SYT10: variants seen among roughly 807,000 people sequenced by gnomAD.
SYT10 encodes the protein synaptotagmin-10.
In SYT10, 31 loss-of-function variants were observed where a neutral mutation model predicts 51.1. That is an observed-to-expected ratio of 0.61 (90% CI 0.46 to 0.82). SYT10 has a LOEUF of 0.82. Ranked by LOEUF, SYT10 falls within the 40% of genes least tolerant of loss-of-function variation. The probability of loss-of-function intolerance (pLI) is 0.00; values close to 1 mark genes in which losing one functional copy is unlikely to be tolerated. For missense variants in SYT10, 603 were observed against 634.0 expected (o/e 0.95, Z 0.53); for synonymous variants, 233 against 225.9 (o/e 1.03, Z -0.28).
chr12:33,406,088 ATATT>A lies in SYT10; in HGVS notation c.1077+697_1077+700del, dbSNP rs1327333396. Among the ~76,000 whole-genome samples, 2 of 152,078 alleles carry A rather than the reference ATATT, an allele frequency of 1.3e-5. 1 individual carries two copies. The highest frequency in any genetic ancestry group is 4.8e-5 in the African/African-American group (2 of 41,458). On this transcript the variant is annotated intron_variant, in intron 3 of 6. Transcript: ENST00000228567. ...AAAAGTTGGAAAGCAATATGCCAAA[ATATT>A]AAATATAATTGGTAGCACTGTAGAT...
intron 2 of SYT10, among the ~76,000 whole-genome samples, chr12:33,425,926 C>T (rs1407081677): frequency 6.6e-6 from 1 of 151,924 alleles, no homozygotes; most frequent in Non-Finnish European, 1.5e-5. Flanking sequence ...CTTCTTTGTC[C>T]TTAGTTTCTC....
chr12:33,423,113 G>T (rs1010155634), intron 2 of SYT10, among the ~76,000 whole-genome samples: 1 of 152,106 alleles, frequency 6.6e-6, no homozygotes, highest in African/African-American at 2.4e-5. Context: ...AAAAGGAGAT[G>T]ATAACTTGAA....
At chr12:33,439,255 G>C (rs1866663406) in intron 1 of SYT10, 117 bp downstream of exon 1, 1 of 1,330,364 alleles carries the variant, frequency 7.5e-7, no homozygotes, top group South Asian at 1.4e-5. Flanking sequence ...GTAGGAAAGC[G>C]TGGCGCCCCA....
chr12:33,380,108 C>A (rs1483478594), intron 5 of SYT10, 147 bp from the exon 6 acceptor site: 5 of 809,484 alleles, frequency 6.2e-6, no homozygotes, highest in African/African-American at 3.5e-5. Context: ...AATGAAATCT[C>A]TTAAGTAAAT....
intron 5 of SYT10, 79 bp from the exon 6 acceptor site, chr12:33,380,040 A>T: frequency 2.1e-6 from 3 of 1,460,208 alleles, no homozygotes; most frequent in Non-Finnish European, 2.8e-6. Context: ...GTAGAATTTT[A>T]AAAATATGAT....
At chr12:33,408,392 T>C (rs1866377541) in intron 2 of SYT10, 2 of 152,154 alleles carry the variant, frequency 1.3e-5, no homozygotes, top group Admixed American at 6.5e-5. Flanking sequence ...TCAGACTGAA[T>C]TTCCTATAGT....
intron 2 of SYT10, among the ~76,000 whole-genome samples, chr12:33,418,184 C>T (rs1229258810): frequency 6.6e-6 from 1 of 152,068 alleles, no homozygotes; most frequent in Non-Finnish European, 1.5e-5. Context: ...AATCCTCATC[C>T]CACCCGGGCT....
intron 3 of SYT10, among the ~76,000 whole-genome samples, chr12:33,392,219 T>A (rs1002123752): frequency 4.6e-5 from 7 of 152,250 alleles, no homozygotes; most frequent in African/African-American, 1.7e-4. Context: ...GAATCAAATG[T>A]ATCCCTAAGG....
chr12:33,406,680 C>T, intron 3 of SYT10, 109 bp downstream of exon 3: 1 of 925,142 alleles, frequency 1.1e-6, no homozygotes, highest in Non-Finnish European at 1.6e-6. Flanking sequence ...GGATCTTAGA[C>T]ATAAATTCCA....
intron 6 of SYT10, among the ~76,000 whole-genome samples, chr12:33,378,882 C>T (rs998905297): frequency 4.7e-5 from 7 of 150,330 alleles, no homozygotes; most frequent in Non-Finnish European, 8.9e-5. Flanking sequence ...GTGTGTCTGT[C>T]TTTTATGATT....
Position 33,385,188 on chromosome 12 carries a change from T to C in SYT10, c.1181A>G (p.Asp394Gly), listed in dbSNP as rs773910069. The change falls in exon 4 of 7, where the codon GAT becomes GGT. Residue 394 changes from aspartate to glycine, a missense_variant. Asp to Gly is a moderately conservative substitution (Grantham distance 94). Coordinates refer to ENST00000228567, the MANE Select transcript of SYT10 (RefSeq NM_198992.4). ...GTACATACCTGATGAGCCAGTAATA[T>C]CCATCGCCTTCAGATTTCTGCACTT... is the stretch of plus-strand genomic sequence containing the variant. ...VIKCRNLKAMDITGSSDPYVK... is the reference protein window; with the variant it reads ...VIKCRNLKAMGITGSSDPYVK... 1 of 1,613,700 alleles carries C rather than the reference T, an allele frequency of 6.2e-7. No homozygotes were observed. The highest frequency in any genetic ancestry group is 2.2e-5 in the East Asian group (1 of 44,856).
intron 3 of SYT10, among the ~76,000 whole-genome samples, chr12:33,399,856 T>C (rs145516006): frequency 3.1e-4 from 47 of 152,314 alleles, no homozygotes; most frequent in Non-Finnish European, 5.0e-4. Flanking sequence ...CTTTCATCAT[T>C]TGAGTTAATC....
At chr12:33,418,519 C>T (rs1866474242) in intron 2 of SYT10, among the ~76,000 whole-genome samples, 1 of 152,164 alleles carries the variant, frequency 6.6e-6, no homozygotes, top group South Asian at 2.1e-4. Flanking sequence ...ACTTAGATTT[C>T]TAACAGAATC....
chr12:33,430,076 C>A (rs569409445), intron 1 of SYT10, among the ~76,000 whole-genome samples: 47 of 152,256 alleles, frequency 3.1e-4, no homozygotes, highest in African/African-American at 1.0e-3. Context: ...AGATTAAGAG[C>A]TAATGAAATA....
chr12:33,374,973 T>TTA lies in SYT10; in HGVS notation c.*1856_*1857insTA, dbSNP rs1866050498. ...GTCTCCAAAAATGTCATTCTATTAATAGTATAACTTTTTGTCTTCCTATTT... is the reference window on the plus strand; with the variant it reads ...GTCTCCAAAAATGTCATTCTATTAATTAAGTATAACTTTTTGTCTTCCTATTT... On this transcript the variant is annotated 3_prime_UTR_variant, in exon 7 of 7. Coordinates refer to ENST00000228567, the MANE Select transcript of SYT10 (RefSeq NM_198992.4). 2.0e-5 allele frequency: 3 copies of TTA among 152,034 alleles called. No individual in the cohort carries two copies. Among genetic ancestry groups the TTA allele is most frequent in the Admixed American group, 1.3e-4 (2 of 15,252 alleles). The allele number at this position is 152,034 out of a possible 1,614,324, so 9.4% of individuals were successfully genotyped here.
At chr12:33,390,637 T>C (rs896351873) in intron 3 of SYT10, among the ~76,000 whole-genome samples, 1 of 152,134 alleles carries the variant, frequency 6.6e-6, no homozygotes, top group African/African-American at 2.4e-5. Context: ...TGTAAACATA[T>C]ATACATGTAT....
At position 33,426,819 on chromosome 12, in the gene SYT10, G is replaced by T. The variant is rs78049543; in HGVS notation, c.152-324C>A. Among the ~76,000 whole-genome samples, 334 of 152,294 alleles carry T rather than the reference G, an allele frequency of 2.2e-3. 1 individual carries two copies. The highest frequency in any genetic ancestry group is 8.5e-3 in the East Asian group (44 of 5,166). ...AAACTGCAACCTGCCATGAAGCCAT[G>T]AGGCAAGAAATTCTAAAACTGCACA... On this transcript the variant is annotated intron_variant, in intron 1 of 6. Coordinates refer to ENST00000228567, the MANE Select transcript of SYT10 (RefSeq NM_198992.4).
chr12:33,383,508 G>A (rs1866133269), intron 4 of SYT10, among the ~76,000 whole-genome samples: 1 of 151,978 alleles, frequency 6.6e-6, no homozygotes, highest in African/African-American at 2.4e-5. Context: ...CTGGAAATAG[G>A]GTATGTAGAG....
rs1866046323 is a variant in SYT10 at position 33,374,520 on chromosome 12, T to C, written c.*2310A>G. ...GTGTGTTGTATTAAAATTGTTAGGA[T>C]TACATTTTAATAATATGAACTGTCA... On this transcript the variant is annotated 3_prime_UTR_variant, in exon 7 of 7. Coordinates refer to ENST00000228567, the MANE Select transcript of SYT10 (RefSeq NM_198992.4). 6.6e-6 allele frequency: 1 copy of C among 151,782 alleles called. No individual in the cohort carries two copies. The highest frequency in any genetic ancestry group is 1.5e-5 in the Non-Finnish European group (1 of 67,852). 9.4% of individuals were successfully genotyped at this position (151,782 alleles called of 1,614,324 possible).
Sources: gnomAD v4.1 joint callset for allele counts (sites outside exome capture counted in the v4.1 genomes callset) on GRCh38, gnomAD v4.1.1 for gene constraint, MANE v1.5 for transcripts, NCBI Gene and HGNC (gene_info 2026-07-23, HGNC 2026-07-21) for gene names.